Variants in MANBAL observed in about 807,000 individuals in gnomAD.
The protein encoded by MANBAL is protein MANBAL.
In MANBAL, 1 loss-of-function variant was observed where a neutral mutation model predicts 6.4. That is an observed-to-expected ratio of 0.16 (90% CI 0.06 to 0.74). The LOEUF is 0.74. MANBAL is among the 30% of genes least tolerant of loss of function. MANBAL has a pLI of 0.78. For synonymous variants in MANBAL, 47 were observed against 45.8 expected (o/e 1.03, Z -0.10); for missense variants, 100 against 107.8 (o/e 0.93, Z 0.32).
chr20:37,292,247 G>A (rs1002442765), intron 1 of MANBAL, among the ~76,000 whole-genome samples: 16 of 152,082 alleles, frequency 1.1e-4, no homozygotes, highest in African/African-American at 3.9e-4. Context: ...TGGGAAATTT[G>A]TCTGTTCCCC....
Position 37,316,423 on chromosome 20 carries a change from G to T in MANBAL, c.*8G>T. ...ACTAAGAAGAAGCGGTAGAAGAGGA[G>T]GCCTGAGGAGCTGGGCGGGCAGGGA... On this transcript the variant is annotated 3_prime_UTR_variant, in exon 3 of 3. Transcript: ENST00000373606. The T allele has an allele frequency of 6.2e-7, 1 of 1,610,888 alleles. No individual in the cohort carries two copies. The highest frequency in any genetic ancestry group is 8.5e-7 in the Non-Finnish European group (1 of 1,178,214).
Position 37,302,949 on chromosome 20 carries a change from G to A in MANBAL, c.150+1536G>A, listed in dbSNP as rs568549641. ...GTGTGTGCGAGACAGGGTCTTGTCTGTTGCCCAGGCTGGAGTGCAGTGGCA... is the reference window on the plus strand; with the variant it reads ...GTGTGTGCGAGACAGGGTCTTGTCTATTGCCCAGGCTGGAGTGCAGTGGCA... On this transcript the variant is annotated intron_variant, in intron 2 of 2. Coordinates refer to ENST00000373606, the MANE Select transcript of MANBAL (RefSeq NM_001003897.2). Among the ~76,000 whole-genome samples the A allele has an allele frequency of 7.2e-5, 11 of 152,294 alleles. No homozygotes were observed. The South Asian group carries it at 2.3e-3, about 32-fold the overall frequency.
intron 2 of MANBAL, 91 bp from the exon 3 acceptor site, chr20:37,316,217 G>T: frequency 8.5e-7 from 1 of 1,181,604 alleles, no homozygotes; most frequent in Non-Finnish European, 1.2e-6. Context: ...GTGTTTCTGT[G>T]GCATGCTTCT....
chr20:37,307,383 T>G (rs1397063785), intron 2 of MANBAL, among the ~76,000 whole-genome samples: 1 of 152,186 alleles, frequency 6.6e-6, no homozygotes, highest in African/African-American at 2.4e-5. Flanking sequence ...TGTTCAGTTC[T>G]TAGATGTGTT....
chr20:37,302,783 G>C (rs754177068), intron 2 of MANBAL, among the ~76,000 whole-genome samples: 1 of 150,826 alleles, frequency 6.6e-6, no homozygotes, highest in Admixed American at 6.6e-5. Flanking sequence ...TTTTTTGAGG[G>C]CACTTATCTG....
intron 2 of MANBAL, among the ~76,000 whole-genome samples, chr20:37,309,105 A>C (rs1032002807): frequency 7.2e-5 from 11 of 152,110 alleles, no homozygotes; most frequent in African/African-American, 2.2e-4. Context: ...GGGAATTTCA[A>C]AGGACAGCTG....
chr20:37,303,997 C>T (rs1007496539), intron 2 of MANBAL, among the ~76,000 whole-genome samples: 1 of 152,192 alleles, frequency 6.6e-6, no homozygotes, highest in Admixed American at 6.5e-5. Flanking sequence ...CAAGGGCCAA[C>T]CTTGCAAGCA....
chr20:37,296,111 T>C (rs1388247260), intron 1 of MANBAL, among the ~76,000 whole-genome samples: 2 of 152,226 alleles, frequency 1.3e-5, no homozygotes, highest in East Asian at 1.9e-4. Flanking sequence ...TATTGTTAAT[T>C]AGTTAAATAA....
chr20:37,292,905 A>G (rs2068906050), intron 1 of MANBAL, among the ~76,000 whole-genome samples: 1 of 152,214 alleles, frequency 6.6e-6, no homozygotes, highest in Non-Finnish European at 1.5e-5. Flanking sequence ...GGCTCTAGGT[A>G]TGCTCAGTGC....
chr20:37,315,289 A>G (rs1190190525), intron 2 of MANBAL, among the ~76,000 whole-genome samples: 1 of 152,232 alleles, frequency 6.6e-6, no homozygotes, highest in Non-Finnish European at 1.5e-5. Context: ...GGCCTGGACG[A>G]GGCCTGTGGG....
At position 37,316,408 on chromosome 20, in the gene MANBAL, A is replaced by C. The variant is rs751734422; in HGVS notation, c.251A>C (p.Lys84Thr). 4 of 1,613,118 alleles carry C rather than the reference A, an allele frequency of 2.5e-6. No individual in the cohort carries two copies. The highest frequency in any genetic ancestry group is 3.4e-6 in the Non-Finnish European group (4 of 1,179,398). ...AGGCCCAAGAAAGAGACTAAGAAGA[A>C]GCGGTAGAAGAGGAGGCCTGAGGAG... ...NKRPKKETKK[K>T]R is the part of the protein sequence containing the mutation. The change falls in exon 3 of 3, where the codon AAG becomes ACG. Residue 84 changes from lysine to threonine, a missense_variant. Physicochemically the swap from Lys to Thr is moderately conservative, Grantham distance 78. Transcript: ENST00000373606.
At chr20:37,292,531 C>G (rs2068895133) in intron 1 of MANBAL, among the ~76,000 whole-genome samples, 2 of 152,178 alleles carry the variant, frequency 1.3e-5, no homozygotes, top group Admixed American at 1.3e-4. Flanking sequence ...AACTCTTGAC[C>G]TCAGGTGATC....
chr20:37,306,748 A>G lies in MANBAL; in HGVS notation c.150+5335A>G, dbSNP rs187256955. Among the ~76,000 whole-genome samples the G allele has an allele frequency of 1.8e-3, 275 of 152,256 alleles. 1 individual carries two copies. The highest frequency in any genetic ancestry group is 6.4e-3 in the African/African-American group (264 of 41,550). ...TTGCTTGGTGGCCATGGTGAAAAGG[A>G]TTCTGGGGGCTGCTGCTTTGCTCTG... On this transcript the variant is annotated intron_variant, in intron 2 of 2. Coordinates refer to ENST00000373606, the MANE Select transcript of MANBAL (RefSeq NM_001003897.2).
At chr20:37,293,627 C>T (rs758324625) in intron 1 of MANBAL, among the ~76,000 whole-genome samples, 3 of 152,180 alleles carry the variant, frequency 2.0e-5, no homozygotes, top group African/African-American at 7.2e-5. Context: ...CCTTCTCTTG[C>T]TTGTCTGTAA....
intron 2 of MANBAL, among the ~76,000 whole-genome samples, chr20:37,315,503 AAT>A (rs1267155862): frequency 6.6e-6 from 1 of 152,192 alleles, no homozygotes; most frequent in Non-Finnish European, 1.5e-5. Context: ...TTATCAGCAC[AAT>A]GAACGCCAGG....
chr20:37,311,374 T>C (rs933364501), intron 2 of MANBAL, among the ~76,000 whole-genome samples: 1 of 152,240 alleles, frequency 6.6e-6, no homozygotes, highest in Non-Finnish European at 1.5e-5. Flanking sequence ...GAGCCCCTGC[T>C]GGGTGTCTTG....
At chr20:37,307,156 C>T (rs1315825656) in intron 2 of MANBAL, among the ~76,000 whole-genome samples, 4 of 152,112 alleles carry the variant, frequency 2.6e-5, no homozygotes, top group Admixed American at 6.5e-5. Context: ...TGTAGAGACA[C>T]GGTTTCACTA....
chr20:37,309,754 G>T (rs1014182575), intron 2 of MANBAL, among the ~76,000 whole-genome samples: 1 of 152,106 alleles, frequency 6.6e-6, no homozygotes, highest in Non-Finnish European at 1.5e-5. Flanking sequence ...TTTGCACAAG[G>T]GTCTTGATTT....
intron 1 of MANBAL, among the ~76,000 whole-genome samples, chr20:37,296,174 G>T (rs1294848666): frequency 6.6e-6 from 1 of 152,178 alleles, no homozygotes; most frequent in African/African-American, 2.4e-5. Context: ...GCCACATGTG[G>T]CTGGTGGCTA....
Sources: gnomAD v4.1 joint callset for allele counts (sites outside exome capture counted in the v4.1 genomes callset) on GRCh38, gnomAD v4.1.1 for gene constraint, MANE v1.5 for transcripts, NCBI Gene and HGNC (gene_info 2026-07-23, HGNC 2026-07-21) for gene names.